The following PDSS2 variants were observed in gnomAD, a reference collection of about 807,000 sequenced individuals.
PDSS2 encodes the protein all trans-polyprenyl-diphosphate synthase PDSS2.
A neutral mutation model predicts 44.5 loss-of-function variants in PDSS2; 31 were observed. That is an observed-to-expected ratio of 0.70 (90% confidence interval 0.52 to 0.94). PDSS2 has a LOEUF of 0.94. PDSS2 is among the 40% of genes least tolerant of loss of function. PDSS2 has a pLI of 0.00. For synonymous variants in PDSS2, 157 were observed against 180.3 expected (o/e 0.87, Z 1.03); for missense variants, 452 against 482.2 (o/e 0.94, Z 0.59).
rs376677661 is a variant in PDSS2, at chr6:107,174,711, C to T, written c.1041+19111G>A. Among the ~76,000 whole-genome samples the T allele has an allele frequency of 3.9e-5, 6 of 152,258 alleles. No individual in the cohort carries two copies. In the East Asian group the frequency reaches 7.7e-4, roughly 20 times the overall value. On this transcript the variant is annotated intron_variant, in intron 7 of 7. Transcript: ENST00000369037. ...GCAAGAGTCTATAGGAAAAAAAATT[C>T]ACCGATCTTAATTAAACATCTTAAT...
chr6:107,365,550 A>C (rs1778935828), intron 1 of PDSS2, among the ~76,000 whole-genome samples: 1 of 152,174 alleles, frequency 6.6e-6, no homozygotes, highest in Non-Finnish European at 1.5e-5. Flanking sequence ...TGGACAAAAC[A>C]ACCCACTTAA....
chr6:107,391,804 C>T (rs1250783388), intron 1 of PDSS2, among the ~76,000 whole-genome samples: 1 of 151,826 alleles, frequency 6.6e-6, no homozygotes, highest in East Asian at 1.9e-4. Context: ...TTCTTATGCG[C>T]CAGCACTTTT....
chr6:107,449,989 G>C (rs967881662), intron 1 of PDSS2, among the ~76,000 whole-genome samples: 2 of 152,188 alleles, frequency 1.3e-5, no homozygotes, highest in African/African-American at 4.8e-5. Context: ...TGTGAATACT[G>C]CTGCTATGAA....
chr6:107,351,257 A>C (rs1219166989), intron 1 of PDSS2, among the ~76,000 whole-genome samples: 1 of 152,234 alleles, frequency 6.6e-6, no homozygotes, highest in African/African-American at 2.4e-5. Flanking sequence ...CAAATGTAGA[A>C]AATGACTTCT....
At chr6:107,383,873 G>A (rs536092321) in intron 1 of PDSS2, among the ~76,000 whole-genome samples, 153 of 152,178 alleles carry the variant, frequency 1.0e-3, no homozygotes, top group African/African-American at 3.5e-3. Flanking sequence ...AGTTTAAAAA[G>A]GTAAAACAAA....
chr6:107,291,525 G>GTT (rs71012791), intron 2 of PDSS2, among the ~76,000 whole-genome samples: 14 of 132,800 alleles, frequency 1.1e-4, no homozygotes, highest in African/African-American at 2.5e-4. Flanking sequence ...TTTTTAGTTA[G>GTT]TTTTTTTTTT....
intron 7 of PDSS2, among the ~76,000 whole-genome samples, chr6:107,158,493 G>T (rs559833115): frequency 6.6e-5 from 10 of 152,008 alleles, no homozygotes; most frequent in African/African-American, 2.4e-4. Context: ...CCAGAGGCCA[G>T]GTTTTCTAAT....
intron 7 of PDSS2, among the ~76,000 whole-genome samples, chr6:107,162,297 C>T (rs370398688): frequency 7.9e-5 from 12 of 151,960 alleles, no homozygotes; most frequent in African/African-American, 2.9e-4. Flanking sequence ...AGGAGTGAGA[C>T]CAGCCTGGCC....
rs1770755834 is a variant in PDSS2, at chr6:107,152,764, T to C, written c.*1855A>G. 6.6e-6 allele frequency: 1 copy of C among 152,210 alleles called. No individual in the cohort carries two copies. Among genetic ancestry groups the C allele is most frequent in the Non-Finnish European group, 1.5e-5 (1 of 68,050 alleles). The allele number at this position is 152,210 out of a possible 1,614,324, so 9.4% of individuals were successfully genotyped here. ...GCCCTGCAGTGCCCGACCATCTGCT[T>C]AGTAAAACCTACTGCTTGCTGAAGT... On this transcript the variant is annotated 3_prime_UTR_variant, in exon 8 of 8. Transcript: ENST00000369037.
In PDSS2 at chr6:107,261,907, CTTT is replaced by C. The variant is rs58274022; in HGVS notation, c.630+12119_630+12121del. Among the ~76,000 whole-genome samples, 100 of 117,092 alleles carry C rather than the reference CTTT, an allele frequency of 8.5e-4. 1 individual carries two copies. Among genetic ancestry groups the C allele is most frequent in the African/African-American group, 3.2e-3 (90 of 28,262 alleles). The allele number at this position is 117,092 out of a possible 152,430, so 76.8% of individuals were successfully genotyped here. ...CTCAGGTATTTCTTTTCTTTCTTTT[CTTT>C]TTTTTTTTTTTTTTTTGAGATGGAG... On this transcript the variant is annotated intron_variant, in intron 3 of 7. Transcript: ENST00000369037.
Position 107,175,250 on chromosome 6 carries a change from T to C in PDSS2, c.1041+18572A>G, listed in dbSNP as rs1363862330. On this transcript the variant is annotated intron_variant, in intron 7 of 7. Transcript: ENST00000369037. ...AAAAAGATCTCTCTCTCTCTCGCTC[T>C]ATCTGTATCTATACCTATATCTATC... Among the ~76,000 whole-genome samples, 3 of 151,808 alleles carry C rather than the reference T, an allele frequency of 2.0e-5. No homozygotes were observed. In the East Asian group the frequency reaches 5.8e-4, roughly 29 times the overall value.
At chr6:107,269,865 C>T (rs924639900) in intron 3 of PDSS2, among the ~76,000 whole-genome samples, 3 of 151,998 alleles carry the variant, frequency 2.0e-5, no homozygotes, top group African/African-American at 7.3e-5. Context: ...CGGGGTTTCA[C>T]TATGTTTGCC....
chr6:107,237,992 C>T (rs191271412), intron 4 of PDSS2, among the ~76,000 whole-genome samples: 1 of 151,924 alleles, frequency 6.6e-6, no homozygotes, highest in East Asian at 1.9e-4. Flanking sequence ...CATTATAATC[C>T]ACTGACTGAT....
At chr6:107,277,982 T>A (rs80351213) in intron 2 of PDSS2, among the ~76,000 whole-genome samples, 38,319 of 148,972 alleles carry the variant, frequency 0.26, 5,603 homozygotes, top group African/African-American at 0.4. Flanking sequence ...ATAAATAAAA[T>A]AAATAAATAA....
intron 7 of PDSS2, among the ~76,000 whole-genome samples, chr6:107,185,428 G>A (rs1010614468): frequency 6.6e-6 from 1 of 152,072 alleles, no homozygotes; most frequent in Non-Finnish European, 1.5e-5. Context: ...TCTCTGTGAC[G>A]GAGATATTTA....
chr6:107,431,309 G>A (rs940120921), intron 1 of PDSS2, among the ~76,000 whole-genome samples: 1 of 152,146 alleles, frequency 6.6e-6, no homozygotes, highest in Admixed American at 6.5e-5. Flanking sequence ...CTGGAGTGCA[G>A]TAGCGCAATC....
intron 1 of PDSS2, among the ~76,000 whole-genome samples, chr6:107,363,759 T>C (rs2114310782): frequency 6.6e-6 from 1 of 152,310 alleles, no homozygotes; most frequent in Admixed American, 6.5e-5. Flanking sequence ...TGGCCTGTTT[T>C]GTCAGGGCGC....
At chr6:107,448,849 C>T (rs1254486544) in intron 1 of PDSS2, among the ~76,000 whole-genome samples, 2 of 152,180 alleles carry the variant, frequency 1.3e-5, no homozygotes, top group African/African-American at 2.4e-5. Context: ...CTTCACAGGG[C>T]ACCAGGAGAG....
At chr6:107,198,792 A>G (rs927567929) in intron 6 of PDSS2, among the ~76,000 whole-genome samples, 11 of 112,268 alleles carry the variant, frequency 9.8e-5, no homozygotes, top group African/African-American at 3.9e-4. Context: ...ACCTGTCTCT[A>G]CAAACAATAA....
Sources: gnomAD v4.1 joint callset for allele counts (sites outside exome capture counted in the v4.1 genomes callset) on GRCh38, gnomAD v4.1.1 for gene constraint, MANE v1.5 for transcripts, NCBI Gene and HGNC (gene_info 2026-07-23, HGNC 2026-07-21) for gene names.